HP1BP3: variants seen among roughly 807,000 people sequenced by gnomAD.
HP1BP3 encodes heterochromatin protein 1 binding protein 3.
In HP1BP3, 12 loss-of-function variants were observed where a neutral mutation model predicts 62.5. That is an observed-to-expected ratio of 0.19 (90% CI 0.12 to 0.31). The LOEUF (loss-of-function observed/expected upper bound fraction) is 0.31. HP1BP3 is among the 10% of genes least tolerant of loss of function. HP1BP3 has a pLI of 1.00. For missense variants in HP1BP3, 502 were observed against 651.8 expected (o/e 0.77, Z 2.50); for synonymous variants, 260 against 237.8 (o/e 1.09, Z -0.86).
intron 7 of HP1BP3, 37 bp from the exon 8 acceptor site, chr1:20,765,568 A>G (rs2056738710): frequency 1.3e-6 from 2 of 1,546,894 alleles, no homozygotes; most frequent in Admixed American, 1.8e-5. Context: ...ATCATTATAG[A>G]ACGTAAATGT....
intron 9 of HP1BP3, among the ~76,000 whole-genome samples, chr1:20,753,604 T>A (rs564820537): frequency 6.6e-6 from 1 of 152,358 alleles, no homozygotes; most frequent in African/African-American, 2.4e-5. Context: ...GCTACAAAAT[T>A]ATGAAGGATT....
intron 9 of HP1BP3, among the ~76,000 whole-genome samples, chr1:20,750,902 C>T (rs1197193674): frequency 6.7e-6 from 1 of 148,568 alleles, no homozygotes; most frequent in African/African-American, 2.5e-5. Context: ...ACTGCAACCT[C>T]GGTCTCCTGG....
At chr1:20,759,455 C>G (rs1050243435) in intron 8 of HP1BP3, among the ~76,000 whole-genome samples, 1 of 152,190 alleles carries the variant, frequency 6.6e-6, no homozygotes, top group Non-Finnish European at 1.5e-5. Flanking sequence ...CTCTATCCTT[C>G]TTTGTATATG....
intron 1 of HP1BP3, among the ~76,000 whole-genome samples, chr1:20,783,075 G>T (rs1413530925): frequency 6.6e-6 from 1 of 151,906 alleles, no homozygotes; most frequent in African/African-American, 2.4e-5. Context: ...TTGCACCACG[G>T]CACTCCAGTC....
intron 6 of HP1BP3, among the ~76,000 whole-genome samples, chr1:20,770,199 T>C (rs762657272): frequency 7.9e-5 from 12 of 152,236 alleles, no homozygotes; most frequent in Non-Finnish European, 1.6e-4. Flanking sequence ...CAGGCTTTAA[T>C]AGTTTAGATA....
At chr1:20,757,106 G>T in intron 9 of HP1BP3, 60 bp downstream of exon 9, 2 of 1,011,870 alleles carry the variant, frequency 2.0e-6, no homozygotes, top group Non-Finnish European at 1.5e-6. Context: ...AGTATAAGGA[G>T]GTCCTGAAAC....
At chr1:20,766,228 T>C (rs1570624329) in intron 7 of HP1BP3, among the ~76,000 whole-genome samples, 1 of 151,850 alleles carries the variant, frequency 6.6e-6, no homozygotes, top group South Asian at 2.1e-4. Context: ...AAGGCGGAGG[T>C]TGCAGAGATC....
At chr1:20,767,467 A>G in intron 7 of HP1BP3, 117 bp downstream of exon 7, 1 of 772,784 alleles carries the variant, frequency 1.3e-6, no homozygotes, top group South Asian at 1.5e-5. Flanking sequence ...CCTAGGCCTT[A>G]GCAGAAAGGC....
chr1:20,783,111 CAATAAT>C (rs139292183), intron 1 of HP1BP3, among the ~76,000 whole-genome samples: 8 of 150,016 alleles, frequency 5.3e-5, no homozygotes, highest in African/African-American at 9.8e-5. Context: ...GACCTTGGCT[CAATAAT>C]AATAATAATA....
intron 4 of HP1BP3, chr1:20,776,334 T>A (rs1281906424): frequency 2.3e-6 from 1 of 427,262 alleles, no homozygotes; most frequent in Non-Finnish European, 4.1e-6. Context: ...ACTCCCACAA[T>A]AAATTACAAG....
rs746447362 is a variant in HP1BP3 at position 20,780,436 on chromosome 1, G to A, written c.5C>T (p.Ala2Val). 10 of 1,610,100 alleles carry A rather than the reference G, an allele frequency of 6.2e-6. No individual in the cohort carries two copies. The highest frequency in any genetic ancestry group is 4.5e-5 in the East Asian group (2 of 44,864). M[A>V]TDTSQGELVH... ...GAGTTCACCTTGAGACGTATCAGTCGCCATTTTAAATAATTTCTAGGCCCG... is the reference window on the plus strand; with the variant it reads ...GAGTTCACCTTGAGACGTATCAGTCACCATTTTAAATAATTTCTAGGCCCG... Residue 2 changes from alanine (A) to valine (V), a missense_variant, in exon 2 of 13, where the codon GCG becomes GTG. Ala to Val is a moderately conservative substitution (Grantham distance 64). Coordinates refer to ENST00000438032, the MANE Select transcript of HP1BP3 (RefSeq NM_001372052.1).
At position 20,757,246 on chromosome 1, in the gene HP1BP3, A is replaced by G; in HGVS notation, c.901T>C (p.Leu301=). The change falls in exon 9 of 13, where the codon TTG becomes CTG. Residue 301 remains leucine, a synonymous_variant. Transcript: ENST00000438032. The part of the protein sequence containing the change: ...KLRVDIRPQL[L]KNALQRAVER... ...ACTGCTCTCTGCAGAGCGTTCTTCA[A>G]CAGCTGAGGCCTGCAAAGAAAAACA... 1.9e-6 allele frequency: 3 copies of G among 1,601,096 alleles called. No individual in the cohort carries two copies. The highest frequency in any genetic ancestry group is 1.7e-6 in the Non-Finnish European group (2 of 1,175,766).
intron 7 of HP1BP3, among the ~76,000 whole-genome samples, chr1:20,766,246 G>T (rs2056776155): frequency 6.6e-6 from 1 of 152,132 alleles, no homozygotes; most frequent in African/African-American, 2.4e-5. Context: ...ATCCGAGATT[G>T]CATTATTGCA....
At chr1:20,768,415 C>T (rs927011658) in intron 6 of HP1BP3, among the ~76,000 whole-genome samples, 19 of 152,146 alleles carry the variant, frequency 1.2e-4, no homozygotes. Flanking sequence ...CACTCCACTC[C>T]AACCTGGGTG....
chr1:20,748,603 C>CA (rs1288831222), intron 10 of HP1BP3, among the ~76,000 whole-genome samples: 8 of 151,812 alleles, frequency 5.3e-5, no homozygotes, highest in Non-Finnish European at 1.0e-4. Context: ...AATACAAAAA[C>CA]AAAAAAATTA....
Position 20,740,872 on chromosome 1 carries a change from A to C in HP1BP3, c.*3925T>G, listed in dbSNP as rs1280463857. ...TAAAGACGGTAGAGATTAATTTCTT[A>C]AGAAAATAATGCAGCTGATTAGGGG... On this transcript the variant is annotated 3_prime_UTR_variant, in exon 13 of 13. Transcript: ENST00000438032. Among the ~76,000 whole-genome samples, 1 of 152,240 alleles carries C rather than the reference A, an allele frequency of 6.6e-6. No individual in the cohort carries two copies. The highest frequency in any genetic ancestry group is 1.5e-5 in the Non-Finnish European group (1 of 68,048).
At chr1:20,783,329 G>T (rs1398627099) in intron 1 of HP1BP3, among the ~76,000 whole-genome samples, 1 of 152,034 alleles carries the variant, frequency 6.6e-6, no homozygotes, top group East Asian at 1.9e-4. Context: ...GACCAGCCTG[G>T]CCAACATGGT....
intron 4 of HP1BP3, chr1:20,774,729 A>G (rs1347176322): frequency 1.3e-5 from 2 of 152,252 alleles, no homozygotes; most frequent in African/African-American, 2.4e-5. Context: ...TCATGCCTGT[A>G]ATCCCAGCAC....
intron 1 of HP1BP3, among the ~76,000 whole-genome samples, chr1:20,785,427 A>T (rs1354496418): frequency 6.6e-6 from 1 of 152,246 alleles, no homozygotes; most frequent in East Asian, 1.9e-4. Context: ...AATACATGTC[A>T]TTAGTGATGC....
Sources: allele counts gnomAD v4.1 joint callset (sites outside exome capture counted in the v4.1 genomes callset), GRCh38; gene constraint gnomAD v4.1.1; transcripts MANE v1.5; gene names NCBI Gene and HGNC (gene_info 2026-07-23, HGNC 2026-07-21).